Variants in EXOC4 observed in about 807,000 individuals in gnomAD.
EXOC4 encodes SEC8-like 1.
A neutral mutation model predicts 107.2 loss-of-function variants in EXOC4; 71 were observed. The ratio of observed to expected loss-of-function variants is 0.66; its 90% confidence interval spans 0.55 to 0.81. The LOEUF is 0.81. EXOC4 is among the 30% of genes least tolerant of loss of function. EXOC4 has a pLI of 0.00. For missense variants in EXOC4, 1,108 were observed against 1,189.6 expected (o/e 0.93, Z 1.01); for synonymous variants, 456 against 441.2 (o/e 1.03, Z -0.42).
intron 9 of EXOC4, among the ~76,000 whole-genome samples, chr7:133,597,519 A>G (rs1451613706): frequency 1.4e-5 from 2 of 139,894 alleles, no homozygotes; most frequent in Admixed American, 7.9e-5. Flanking sequence ...GCACCATTGC[A>G]CTCCAGCCTG....
chr7:133,512,124 G>A (rs1799781309), intron 9 of EXOC4, among the ~76,000 whole-genome samples: 1 of 152,196 alleles, frequency 6.6e-6, no homozygotes, highest in Admixed American at 6.5e-5. Flanking sequence ...GCTGTGAAAG[G>A]AACGTATAGA....
chr7:133,661,947 T>C (rs1793699167), intron 10 of EXOC4, among the ~76,000 whole-genome samples: 1 of 152,112 alleles, frequency 6.6e-6, no homozygotes. Context: ...GGAGCCATAA[T>C]AATAGCCAGC....
intron 10 of EXOC4, among the ~76,000 whole-genome samples, chr7:133,757,927 C>T (rs1795952676): frequency 6.6e-6 from 1 of 152,098 alleles, no homozygotes; most frequent in South Asian, 2.1e-4. Context: ...GAAAACAGAG[C>T]TTTGAACTCA....
intron 6 of EXOC4, among the ~76,000 whole-genome samples, chr7:133,371,703 C>T (rs904456909): frequency 1.3e-5 from 2 of 152,084 alleles, no homozygotes; most frequent in Non-Finnish European, 1.5e-5. Context: ...CATTTGTGTA[C>T]AAGTTTTTGT....
At chr7:133,823,899 ATATATATATATAAATATATATATAAAT>A (rs1563015119) in intron 11 of EXOC4, among the ~76,000 whole-genome samples, 2 of 28,190 alleles carry the variant, frequency 7.1e-5, no homozygotes, top group Non-Finnish European at 1.1e-4. Context: ...TATATTTTAT[ATATATATATATAAATATATATATAAAT>A]TATATATATA....
At chr7:133,451,464 G>A (rs746395135) in intron 7 of EXOC4, among the ~76,000 whole-genome samples, 9 of 151,044 alleles carry the variant, frequency 6.0e-5, no homozygotes, top group South Asian at 2.1e-4. Context: ...TAACATAAAC[G>A]TTTATTAATT....
intron 14 of EXOC4, among the ~76,000 whole-genome samples, chr7:133,964,221 TC>T (rs944954720): frequency 5.3e-5 from 8 of 152,156 alleles, no homozygotes; most frequent in African/African-American, 1.9e-4. Context: ...AATTCAGACC[TC>T]CTGGCTCCTT....
chr7:133,742,772 C>T (rs182950568), intron 10 of EXOC4, among the ~76,000 whole-genome samples: 3 of 152,086 alleles, frequency 2.0e-5, no homozygotes, highest in African/African-American at 7.2e-5. Flanking sequence ...ACATGTAGCT[C>T]GAAAGGATGT....
At chr7:134,084,709 T>TAAAAAAAAAAAAAAAAAAAAAA in the EXOC4 span, among the ~76,000 whole-genome samples, 3 of 83,174 alleles carry the variant, frequency 3.6e-5, no homozygotes, top group African/African-American at 1.5e-4. Flanking sequence ...GGTGCAGCCG[T>TAAAAAAAAAAAAAAAAAAAAAA]AAAAAAAAAA....
chr7:133,416,570 T>C (rs1268415584), intron 7 of EXOC4, among the ~76,000 whole-genome samples: 1 of 152,154 alleles, frequency 6.6e-6, no homozygotes, highest in Non-Finnish European at 1.5e-5. Flanking sequence ...GGAGAGACTT[T>C]GTATGTGGGA....
chr7:133,650,825 G>A (rs935837309), intron 10 of EXOC4, among the ~76,000 whole-genome samples: 2 of 151,266 alleles, frequency 1.3e-5, no homozygotes, highest in Admixed American at 6.6e-5. Flanking sequence ...CAAAGCAGAA[G>A]TAAAGCCAGG....
chr7:133,504,021 G>A (rs892486493), intron 9 of EXOC4, among the ~76,000 whole-genome samples: 6 of 151,550 alleles, frequency 4.0e-5, no homozygotes, highest in Admixed American at 6.6e-5. Context: ...ATACACACAC[G>A]TATACACACA....
chr7:133,311,406 A>G (rs1033998849), intron 4 of EXOC4, among the ~76,000 whole-genome samples: 43 of 152,318 alleles, frequency 2.8e-4, no homozygotes, highest in African/African-American at 9.6e-4. Flanking sequence ...CCCAGGATCT[A>G]TAGACTTTAG....
intron 9 of EXOC4, among the ~76,000 whole-genome samples, chr7:133,520,311 G>A (rs376952215): frequency 6.6e-6 from 1 of 152,104 alleles, no homozygotes; most frequent in South Asian, 2.1e-4. Context: ...CTCACTTGGG[G>A]TGGGGTGTGT....
At chr7:133,667,486 A>G (rs61137613) in intron 10 of EXOC4, among the ~76,000 whole-genome samples, 19,786 of 152,222 alleles carry the variant, frequency 0.13, 1,410 homozygotes, top group East Asian at 0.24. Context: ...TAAATAAGTT[A>G]TGGACACTGC....
At chr7:133,752,798 T>C (rs1795822179) in intron 10 of EXOC4, among the ~76,000 whole-genome samples, 1 of 152,200 alleles carries the variant, frequency 6.6e-6, no homozygotes. Context: ...TTAATGAATG[T>C]CTTCACGAAG....
At chr7:133,847,875 ATTTTT>A (rs55923568) in intron 11 of EXOC4, among the ~76,000 whole-genome samples, 142 of 85,024 alleles carry the variant, frequency 1.7e-3, no homozygotes, top group African/African-American at 6.9e-3. Context: ...TGCCCAGCTA[ATTTTT>A]TTTTTTTTTT....
chr7:133,631,789 T>C (rs1291267374), intron 10 of EXOC4, among the ~76,000 whole-genome samples: 1 of 152,132 alleles, frequency 6.6e-6, no homozygotes, highest in African/African-American at 2.4e-5. Flanking sequence ...GTAATTAGTT[T>C]AGTTTTCACT....
chr7:133,472,132 A>G (rs1798894752), intron 7 of EXOC4, among the ~76,000 whole-genome samples: 1 of 152,224 alleles, frequency 6.6e-6, no homozygotes, highest in South Asian at 2.1e-4. Context: ...AGAATAAGAT[A>G]CGCTTGGAAA....
Sources: gnomAD v4.1 joint callset for allele counts (sites outside exome capture counted in the v4.1 genomes callset) on GRCh38, gnomAD v4.1.1 for gene constraint, MANE v1.5 for transcripts, NCBI Gene and HGNC (gene_info 2026-07-23, HGNC 2026-07-21) for gene names.